The following EMP2 variants were observed in gnomAD, a reference collection of about 807,000 sequenced individuals.
EMP2 encodes the protein epithelial membrane protein 2.
EMP2 carries 19 observed loss-of-function variants against 13.7 expected under a neutral mutation model. The observed-to-expected ratio is 1.38, with a 90% CI of 0.97 to 2.03. EMP2 has a LOEUF of 2.03. Ranked by LOEUF, EMP2 falls within the 30% of genes most tolerant of loss-of-function variation. The probability of loss-of-function intolerance (pLI) is 0.00; values close to 1 mark genes in which losing one functional copy is unlikely to be tolerated. For synonymous variants in EMP2, 97 were observed against 84.7 expected (o/e 1.15, Z -0.80); for missense variants, 253 against 220.7 (o/e 1.15, Z -0.93).
intron 2 of EMP2, chr16:10,545,806 G>A (rs1394333209): frequency 3.3e-5 from 5 of 150,844 alleles, no homozygotes; most frequent in African/African-American, 9.8e-5. Context: ...TAGAAAAATT[G>A]TCTTCCATGA....
At chr16:10,555,045 G>A (rs1425541020) in intron 1 of EMP2, among the ~76,000 whole-genome samples, 5 of 152,106 alleles carry the variant, frequency 3.3e-5, no homozygotes. Context: ...TAGAAATGTA[G>A]AGCTGTAAAG....
intron 2 of EMP2, chr16:10,547,222 T>G: frequency 4.6e-6 from 1 of 216,704 alleles, no homozygotes; most frequent in Non-Finnish European, 9.1e-6. Context: ...GGTAACTGAA[T>G]CATGGGAGCA....
intron 1 of EMP2, among the ~76,000 whole-genome samples, chr16:10,566,592 T>A (rs534026110): frequency 5.3e-5 from 8 of 152,168 alleles, no homozygotes; most frequent in African/African-American, 1.9e-4. Flanking sequence ...GCATCATGAA[T>A]CCCACTGTGC....
At chr16:10,567,935 G>T (rs762137843) in intron 1 of EMP2, among the ~76,000 whole-genome samples, 2 of 152,246 alleles carry the variant, frequency 1.3e-5, no homozygotes, top group Non-Finnish European at 2.9e-5. Flanking sequence ...GGGTAGCGAG[G>T]TTAGGTAGCT....
chr16:10,534,089 C>T (rs996357162), intron 4 of EMP2, among the ~76,000 whole-genome samples: 4 of 151,278 alleles, frequency 2.6e-5, no homozygotes, highest in African/African-American at 7.3e-5. Flanking sequence ...CACTCCAGCC[C>T]GCACAACAGC....
At chr16:10,577,777 T>C (rs1026878665) in intron 1 of EMP2, among the ~76,000 whole-genome samples, 2 of 152,054 alleles carry the variant, frequency 1.3e-5, no homozygotes, top group African/African-American at 4.8e-5. Context: ...ATCTGCTCCC[T>C]TAATCCCAGT....
Position 10,530,437 on chromosome 16 carries a change from C to A in EMP2, c.*2468G>T, listed in dbSNP as rs528817473. On this transcript the variant is annotated 3_prime_UTR_variant, in exon 5 of 5. Coordinates refer to ENST00000359543, the MANE Select transcript of EMP2 (RefSeq NM_001424.6). ...CTGGAACTGAGCTGATGGCAAACCA[C>A]CACTCCACTCAGCAGAAGGTCAAGT... is the stretch of plus-strand genomic sequence containing the variant. 13 of 152,738 alleles carry A rather than the reference C, an allele frequency of 8.5e-5. No individual in the cohort carries two copies. The highest frequency in any genetic ancestry group is 2.9e-4 in the African/African-American group (12 of 41,534). 9.5% of individuals were successfully genotyped at this position (152,738 alleles called of 1,614,324 possible).
Position 10,566,963 on chromosome 16 carries a change from G to A in EMP2, c.-61+13586C>T, listed in dbSNP as rs147119674. The stretch of plus-strand genomic sequence containing the variant: ...CAGAGTAGTGGACCTTTGCATGTGC[G>A]TATCCCTCTTTCTGGAATGTTCTTA... On this transcript the variant is annotated intron_variant, in intron 1 of 4. Coordinates refer to ENST00000359543, the MANE Select transcript of EMP2 (RefSeq NM_001424.6). 2.6e-3 allele frequency among the ~76,000 whole-genome samples: 396 copies of A among 152,140 alleles called. 2 individuals are homozygous for A. Among genetic ancestry groups the A allele is most frequent in the Middle Eastern group, 0.01 (3 of 294 alleles).
At chr16:10,565,269 C>G (rs574275584) in intron 1 of EMP2, among the ~76,000 whole-genome samples, 104 of 152,330 alleles carry the variant, frequency 6.8e-4, no homozygotes, top group African/African-American at 2.4e-3. Flanking sequence ...GTCTGGGTCA[C>G]AATGTTTCTG....
intron 1 of EMP2, among the ~76,000 whole-genome samples, chr16:10,570,024 A>C (rs1268543761): frequency 6.6e-6 from 1 of 151,364 alleles, no homozygotes; most frequent in Non-Finnish European, 1.5e-5. Context: ...CCCTTCTCCC[A>C]CTCCTCCCCT....
intron 4 of EMP2, among the ~76,000 whole-genome samples, chr16:10,537,475 T>A (rs1203787288): frequency 1.3e-5 from 2 of 152,146 alleles, no homozygotes; most frequent in Non-Finnish European, 2.9e-5. Flanking sequence ...CCTGCAAGAC[T>A]CCATGGGGCG....
chr16:10,579,554 AG>A (rs1355144589), intron 1 of EMP2, among the ~76,000 whole-genome samples: 1 of 152,066 alleles, frequency 6.6e-6, no homozygotes, highest in Non-Finnish European at 1.5e-5. Flanking sequence ...AGGTACCCCC[AG>A]GCCCTGGCAA....
chr16:10,577,698 G>A (rs1030404483), intron 1 of EMP2, among the ~76,000 whole-genome samples: 3 of 151,782 alleles, frequency 2.0e-5, no homozygotes, highest in Non-Finnish European at 2.9e-5. Context: ...TGAGACACCC[G>A]GACACACACA....
At chr16:10,561,902 A>AG (rs1473286330) in intron 1 of EMP2, among the ~76,000 whole-genome samples, 2 of 152,210 alleles carry the variant, frequency 1.3e-5, no homozygotes, top group Non-Finnish European at 2.9e-5. Flanking sequence ...CAATAAAAGG[A>AG]GAAAAAAAAG....
intron 4 of EMP2, among the ~76,000 whole-genome samples, chr16:10,537,247 A>T (rs2050654557): frequency 6.6e-6 from 1 of 152,174 alleles, no homozygotes; most frequent in Admixed American, 6.5e-5. Flanking sequence ...TTCTGATCTG[A>T]CTTAAGCCTT....
At chr16:10,537,021 C>G (rs1386383525) in intron 4 of EMP2, among the ~76,000 whole-genome samples, 1 of 152,118 alleles carries the variant, frequency 6.6e-6, no homozygotes, top group East Asian at 1.9e-4. Context: ...GGACTTGACC[C>G]TGGCCCGGGA....
rs2050581094 is a variant in EMP2 at position 10,529,553 on chromosome 16, T to C, written c.*3352A>G. The stretch of plus-strand genomic sequence containing the variant: ...CAGATACTCATGTAGCCCCGACGTT[T>C]CTTGTGAAGGGAATTGATGTATTGC... On this transcript the variant is annotated 3_prime_UTR_variant, in exon 5 of 5. Coordinates refer to ENST00000359543, the MANE Select transcript of EMP2 (RefSeq NM_001424.6). 1 of 152,210 alleles carries C rather than the reference T, an allele frequency of 6.6e-6. No individual in the cohort carries two copies. The highest frequency in any genetic ancestry group is 6.5e-5 in the Admixed American group (1 of 15,274). 9.4% of individuals were successfully genotyped at this position (152,210 alleles called of 1,614,324 possible).
intron 2 of EMP2, chr16:10,545,318 A>G (rs2050731268): frequency 6.6e-6 from 1 of 152,208 alleles, no homozygotes; most frequent in African/African-American, 2.4e-5. Context: ...GGTGGGTCCA[A>G]ATACTATAAT....
At chr16:10,575,354 C>A (rs12923686) in intron 1 of EMP2, among the ~76,000 whole-genome samples, 19,935 of 143,946 alleles carry the variant, frequency 0.14, 1,706 homozygotes, top group Non-Finnish European at 0.19. Context: ...CCCGGGTTCA[C>A]GCCATTTTCC....
Sources: gnomAD v4.1 joint callset for allele counts (sites outside exome capture counted in the v4.1 genomes callset) on GRCh38, gnomAD v4.1.1 for gene constraint, MANE v1.5 for transcripts, NCBI Gene and HGNC (gene_info 2026-07-23, HGNC 2026-07-21) for gene names.